AMDHD1: variants seen among roughly 807,000 people sequenced by gnomAD.
AMDHD1 encodes the protein probable imidazolonepropionase.
A neutral mutation model predicts 44.1 loss-of-function variants in AMDHD1; 45 were observed. The ratio of observed to expected loss-of-function variants is 1.02; its 90% confidence interval spans 0.80 to 1.31. The LOEUF is 1.31. AMDHD1 is among the 50% of genes most tolerant of loss of function. The pLI is 0.00. For missense variants in AMDHD1, 586 were observed against 552.1 expected (o/e 1.06, Z -0.61); for synonymous variants, 206 against 205.0 (o/e 1.00, Z -0.04).
chr12:95,958,660 T>C (rs2080564454), intron 4 of AMDHD1, among the ~76,000 whole-genome samples: 1 of 152,178 alleles, frequency 6.6e-6, no homozygotes, highest in Non-Finnish European at 1.5e-5. Flanking sequence ...TCCAGCTGGG[T>C]GATTTTGAGG....
intron 3 of AMDHD1, among the ~76,000 whole-genome samples, chr12:95,955,941 T>C (rs1487129125): frequency 1.3e-5 from 2 of 152,156 alleles, no homozygotes; most frequent in Non-Finnish European, 2.9e-5. Context: ...TTAGTGGAGA[T>C]CTGAATAATT....
At chr12:95,950,981 G>A (rs1430198525) in intron 1 of AMDHD1, among the ~76,000 whole-genome samples, 1 of 152,064 alleles carries the variant, frequency 6.6e-6, no homozygotes, top group Admixed American at 6.5e-5. Flanking sequence ...CATATATATG[G>A]GGTACATGAG....
chr12:95,961,360 A>T (rs2080580775), intron 5 of AMDHD1, among the ~76,000 whole-genome samples: 2 of 152,188 alleles, frequency 1.3e-5, no homozygotes, highest in Admixed American at 1.3e-4. Context: ...ATCTTTGCTC[A>T]AATTAATTCA....
At chr12:95,959,853 TG>T (rs1320329948) in intron 4 of AMDHD1, among the ~76,000 whole-genome samples, 1 of 134,796 alleles carries the variant, frequency 7.4e-6, no homozygotes, top group Non-Finnish European at 1.5e-5. Flanking sequence ...TGGAGTGCAG[TG>T]GTGCGATCTC....
intron 3 of AMDHD1, among the ~76,000 whole-genome samples, 155 bp downstream of exon 3, chr12:95,955,130 A>G (rs953206011): frequency 6.6e-6 from 1 of 152,130 alleles, no homozygotes; most frequent in Non-Finnish European, 1.5e-5. Flanking sequence ...TGACAACAAA[A>G]CTTATTTATA....
chr12:95,952,270 T>A (rs957295316), intron 1 of AMDHD1, among the ~76,000 whole-genome samples: 4 of 152,192 alleles, frequency 2.6e-5, no homozygotes, highest in Non-Finnish European at 5.9e-5. Flanking sequence ...CTTTTGCATA[T>A]GGATAGCCAG....
chr12:95,956,165 G>A (rs1175079774), intron 3 of AMDHD1, among the ~76,000 whole-genome samples: 5 of 152,184 alleles, frequency 3.3e-5, no homozygotes, highest in Non-Finnish European at 7.3e-5. Flanking sequence ...CTGGAGTGCA[G>A]TGGTGCGATC....
intron 4 of AMDHD1, 133 bp downstream of exon 4, chr12:95,957,095 C>G: frequency 8.1e-7 from 1 of 1,240,814 alleles, no homozygotes; most frequent in East Asian, 2.4e-5. Context: ...ATTCTAATGG[C>G]CACTCATCCC....
intron 1 of AMDHD1, among the ~76,000 whole-genome samples, chr12:95,945,150 A>G (rs1292429594): frequency 2.0e-5 from 3 of 152,140 alleles, no homozygotes; most frequent in Non-Finnish European, 4.4e-5. Context: ...AAATAAATAA[A>G]TACATAAATA....
intron 1 of AMDHD1, among the ~76,000 whole-genome samples, chr12:95,945,403 T>C (rs1028711302): frequency 2.6e-5 from 4 of 152,192 alleles, no homozygotes; most frequent in Non-Finnish European, 5.9e-5. Flanking sequence ...TACAGGATGG[T>C]GTTGTTTTTA....
Position 95,952,727 on chromosome 12 carries a change from A to T in AMDHD1, c.148A>T (p.Ile50Leu), listed in dbSNP as rs202245192. Residue 50 changes from isoleucine to leucine, a missense_variant, in exon 2 of 9, where the codon ATA becomes TTA. Physicochemically the swap from Ile to Leu is conservative, Grantham distance 5 (BLOSUM62 2). Coordinates refer to ENST00000266736, the MANE Select transcript of AMDHD1 (RefSeq NM_152435.3). ...TTGATTTTTCTTCAGAGATGGATTT[A>T]TAAAAGCTATTGGTCCTGCTGATGT... ...ASLVVGKDGF[I>L]KAIGPADVIQ... is the part of the protein sequence containing the mutation. 1.2e-6 allele frequency: 2 copies of T among 1,604,496 alleles called. No homozygotes were observed. Among genetic ancestry groups the T allele is most frequent in the Admixed American group, 1.7e-5 (1 of 58,916 alleles).
chr12:95,950,036 T>C (rs2080519411), intron 1 of AMDHD1, among the ~76,000 whole-genome samples: 1 of 152,244 alleles, frequency 6.6e-6, no homozygotes, highest in Admixed American at 6.5e-5. Context: ...TTTCTTAGGT[T>C]TGACTTTGTT....
Position 95,943,391 on chromosome 12 carries a change from G to C in AMDHD1, c.-8G>C. On this transcript the variant is annotated 5_prime_UTR_variant, in exon 1 of 9. Coordinates refer to ENST00000266736, the MANE Select transcript of AMDHD1 (RefSeq NM_152435.3). ...GTGGCCTCCCGGCGACCCTCGGCGCGAGGCGACATGGCAAGCGGCCACAGC... is the reference window on the plus strand; with the variant it reads ...GTGGCCTCCCGGCGACCCTCGGCGCCAGGCGACATGGCAAGCGGCCACAGC... The C allele has an allele frequency of 6.7e-7, 1 of 1,489,318 alleles. No homozygotes were observed. Among genetic ancestry groups the C allele is most frequent in the Non-Finnish European group, 8.9e-7 (1 of 1,126,126 alleles). 92.3% of individuals were successfully genotyped at this position (1,489,318 alleles called of 1,614,324 possible).
chr12:95,947,772 A>G (rs1447870211), intron 1 of AMDHD1, among the ~76,000 whole-genome samples: 9 of 75,018 alleles, frequency 1.2e-4, no homozygotes, highest in Admixed American at 2.7e-4. Context: ...TGGGGGGGTC[A>G]GCCCCCCGCC....
In AMDHD1 at chr12:95,962,350, C is replaced by T. The variant is rs201339660; in HGVS notation, c.814-5C>T. ...AATCTTTCCCTCTCTGCCCATTCTC[C>T]TTAGCTTGGGGCTGAACTGGGAGCG... On this transcript the variant is annotated splice_polypyrimidine_tract_variant and splice_region_variant and intron_variant, in intron 5 of 8. Transcript: ENST00000266736. 2 of 1,611,692 alleles carry T rather than the reference C, an allele frequency of 1.2e-6. No homozygotes were observed. Among genetic ancestry groups the T allele is most frequent in the African/African-American group, 2.7e-5 (2 of 74,950 alleles).
chr12:95,961,007 G>A (rs1443154742), intron 5 of AMDHD1, among the ~76,000 whole-genome samples: 1 of 151,818 alleles, frequency 6.6e-6, no homozygotes, highest in East Asian at 1.9e-4. Flanking sequence ...AAAAATTAGC[G>A]TGGTGGCACG....
At chr12:95,958,812 T>G (rs1324209248) in intron 4 of AMDHD1, among the ~76,000 whole-genome samples, 1 of 152,130 alleles carries the variant, frequency 6.6e-6, no homozygotes, top group Non-Finnish European at 1.5e-5. Flanking sequence ...TCCCAGCACT[T>G]TGGGGGGCCG....
Position 95,954,939 on chromosome 12 carries a change from A to G in AMDHD1, c.273A>G (p.Val91=). Residue 91 remains valine, a synonymous_variant, in exon 3 of 9, where the codon GTA becomes GTG. Coordinates refer to ENST00000266736, the MANE Select transcript of AMDHD1 (RefSeq NM_152435.3). The stretch of plus-strand genomic sequence containing the variant: ...TGGTGGATGCACACACACATCCAGT[A>G]TGGGCTGGTGAAAGAGTTCACGAAT... ...PGLVDAHTHP[V]WAGERVHEFA... 1 of 1,614,196 alleles carries G rather than the reference A, an allele frequency of 6.2e-7. No homozygotes were observed. The highest frequency in any genetic ancestry group is 2.2e-5 in the East Asian group (1 of 44,882).
intron 1 of AMDHD1, among the ~76,000 whole-genome samples, chr12:95,949,140 T>TAAAAAAAAA (rs1170844527): frequency 1.1e-3 from 5 of 4,458 alleles, no homozygotes; most frequent in Non-Finnish European, 1.6e-3. Context: ...AAAAATAAAT[T>TAAAAAAAAA]AAAAAAAAAA....
Sources: allele counts gnomAD v4.1 joint callset (sites outside exome capture counted in the v4.1 genomes callset), GRCh38; gene constraint gnomAD v4.1.1; transcripts MANE v1.5; gene names NCBI Gene and HGNC (gene_info 2026-07-23, HGNC 2026-07-21).